The following SCLT1 variants were observed in gnomAD, a reference collection of about 807,000 sequenced individuals.
SCLT1 encodes the protein sodium channel-associated protein 1.
A neutral mutation model predicts 112.8 loss-of-function variants in SCLT1; 78 were observed. That is an observed-to-expected ratio of 0.69 (90% CI 0.58 to 0.83). SCLT1 has a LOEUF of 0.83. Ranked by LOEUF, SCLT1 falls within the 40% of genes least tolerant of loss-of-function variation. The pLI, the probability that SCLT1 is intolerant of heterozygous loss-of-function variation, is 0.00. For missense variants in SCLT1, 747 were observed against 770.4 expected, an observed-to-expected ratio of 0.97 and a Z score of 0.36; for synonymous variants, 257 against 254.7, an observed-to-expected ratio of 1.01 and a Z score of -0.09.
chr4:128,956,701 C>G (rs1025742840), intron 13 of SCLT1, among the ~76,000 whole-genome samples: 1 of 151,924 alleles, frequency 6.6e-6, no homozygotes, highest in Non-Finnish European at 1.5e-5. Flanking sequence ...GTTTTGAAAA[C>G]CAGTTTAAAT....
intron 5 of SCLT1, among the ~76,000 whole-genome samples, chr4:129,023,210 C>G (rs994086734): frequency 3.3e-5 from 5 of 152,088 alleles, no homozygotes; most frequent in African/African-American, 1.2e-4. Context: ...ATATAAAGAC[C>G]AATGACACTA....
chr4:129,091,665 G>C (rs1752833404), intron 1 of SCLT1, among the ~76,000 whole-genome samples: 1 of 152,048 alleles, frequency 6.6e-6, no homozygotes, highest in African/African-American at 2.4e-5. Flanking sequence ...AATTATTTTA[G>C]ATAACATATA....
At chr4:128,894,532 T>A (rs1733588708) in intron 18 of SCLT1, among the ~76,000 whole-genome samples, 2 of 152,140 alleles carry the variant, frequency 1.3e-5, no homozygotes, top group Non-Finnish European at 2.9e-5. Context: ...AAGTCCAGTC[T>A]TAAATTCAAA....
intron 2 of SCLT1, among the ~76,000 whole-genome samples, chr4:129,074,638 A>G (rs1229966269): frequency 6.6e-6 from 1 of 152,220 alleles, no homozygotes; most frequent in African/African-American, 2.4e-5. Context: ...AAATAAAGGA[A>G]TAATTTAAAG....
At chr4:128,905,755 G>A (rs1180190395) in intron 18 of SCLT1, among the ~76,000 whole-genome samples, 1 of 151,658 alleles carries the variant, frequency 6.6e-6, no homozygotes, top group East Asian at 1.9e-4. Context: ...TGACTTTTTA[G>A]TATAATTTCT....
intron 9 of SCLT1, among the ~76,000 whole-genome samples, chr4:128,987,274 C>T (rs938463227): frequency 2.6e-5 from 4 of 152,160 alleles, no homozygotes; most frequent in Admixed American, 2.0e-4. Context: ...CCTAACTCTT[C>T]ATTGCTCAGA....
chr4:128,981,317 G>T (rs1483314184), intron 9 of SCLT1, among the ~76,000 whole-genome samples: 1 of 152,146 alleles, frequency 6.6e-6, no homozygotes, highest in Non-Finnish European at 1.5e-5. Flanking sequence ...AAGCTAGACT[G>T]TTATTGTAAA....
In SCLT1 at chr4:129,033,350, G is replaced by A. The variant is rs114100865; in HGVS notation, c.290+5691C>T. ...ACATTGGGGCCTATTCGGGGGTGGG[G>A]GGCAAGGGAAGGGAGAGCATTAGAC... On this transcript the variant is annotated intron_variant, in intron 5 of 20. Transcript: ENST00000281142. 7.9e-3 allele frequency among the ~76,000 whole-genome samples: 1,197 copies of A among 151,638 alleles called. 15 individuals carry two copies. Among genetic ancestry groups the A allele is most frequent in the African/African-American group, 0.028 (1,147 of 41,362 alleles).
At chr4:129,064,695 T>C (rs1356033939) in intron 2 of SCLT1, among the ~76,000 whole-genome samples, 1 of 152,208 alleles carries the variant, frequency 6.6e-6, no homozygotes, top group Non-Finnish European at 1.5e-5. Flanking sequence ...TTTAGTATTC[T>C]AAGTTCAAAC....
At chr4:128,940,139 A>G (rs562037914) in intron 17 of SCLT1, among the ~76,000 whole-genome samples, 1 of 152,020 alleles carries the variant, frequency 6.6e-6, no homozygotes, top group East Asian at 1.9e-4. Flanking sequence ...ACTAGATAGG[A>G]AAAATTCATT....
At chr4:128,892,317 T>C (rs1379492220) in intron 18 of SCLT1, among the ~76,000 whole-genome samples, 3 of 152,262 alleles carry the variant, frequency 2.0e-5, no homozygotes, top group Non-Finnish European at 4.4e-5. Context: ...TTCAAAGCTT[T>C]TCTTCACATC....
At chr4:128,934,355 A>G (rs1263975337) in intron 18 of SCLT1, among the ~76,000 whole-genome samples, 1 of 151,344 alleles carries the variant, frequency 6.6e-6, no homozygotes, top group Non-Finnish European at 1.5e-5. Flanking sequence ...ACATACTGTT[A>G]TATTACTTTT....
chr4:129,028,679 C>G (rs964896773), intron 5 of SCLT1, among the ~76,000 whole-genome samples: 6 of 151,876 alleles, frequency 4.0e-5, no homozygotes, highest in Admixed American at 6.6e-5. Flanking sequence ...TGACAAATGG[C>G]ATCTAATTAA....
At chr4:129,084,264 G>C (rs1234463359) in intron 1 of SCLT1, among the ~76,000 whole-genome samples, 1 of 152,142 alleles carries the variant, frequency 6.6e-6, no homozygotes, top group Non-Finnish European at 1.5e-5. Context: ...TCATAGTTAT[G>C]AGTGCATATG....
intron 18 of SCLT1, among the ~76,000 whole-genome samples, chr4:128,899,940 A>G (rs1734128555): frequency 6.6e-6 from 1 of 152,222 alleles, no homozygotes; most frequent in Non-Finnish European, 1.5e-5. Context: ...TTCAAAGAGA[A>G]TAAAATACCT....
chr4:129,023,929 C>T lies in SCLT1; in HGVS notation c.290+15112G>A, dbSNP rs181344322. Among the ~76,000 whole-genome samples the T allele has an allele frequency of 7.0e-4, 107 of 152,322 alleles. 2 individuals carry two copies. Among genetic ancestry groups the T allele is most frequent in the African/African-American group, 2.5e-3 (104 of 41,576 alleles). ...AGGGTCCTACGCCCACGGAGTCTCG[C>T]TGATTGCTAGCACAGCAGTATTGAG... On this transcript the variant is annotated intron_variant, in intron 5 of 20. Coordinates refer to ENST00000281142, the MANE Select transcript of SCLT1 (RefSeq NM_144643.4).
chr4:128,945,236 T>C (rs1429726270), intron 16 of SCLT1, among the ~76,000 whole-genome samples: 2 of 152,166 alleles, frequency 1.3e-5, no homozygotes, highest in South Asian at 4.1e-4. Context: ...CATATGGATA[T>C]ACACATTGGA....
intron 5 of SCLT1, among the ~76,000 whole-genome samples, chr4:129,018,184 T>C (rs1188273007): frequency 6.6e-6 from 1 of 152,252 alleles, no homozygotes; most frequent in Non-Finnish European, 1.5e-5. Context: ...TCTCCCACTA[T>C]TTCCCAATTT....
intron 7 of SCLT1, among the ~76,000 whole-genome samples, chr4:128,998,709 AGATT>A (rs1036669812): frequency 4.5e-4 from 69 of 151,764 alleles, no homozygotes; most frequent in African/African-American, 1.5e-3. Context: ...CCAACAAATC[AGATT>A]GATTACATGT....
Sources: gnomAD v4.1 joint callset for allele counts (sites outside exome capture counted in the v4.1 genomes callset) on GRCh38, gnomAD v4.1.1 for gene constraint, MANE v1.5 for transcripts, NCBI Gene and HGNC (gene_info 2026-07-23, HGNC 2026-07-21) for gene names.